AIDA: variants seen among roughly 807,000 people sequenced by gnomAD.
AIDA encodes axin interactor, dorsalization associated, also known as axin interactor, dorsalization-associated protein.
AIDA carries 18 observed loss-of-function variants against 42.7 expected under a neutral mutation model. The ratio of observed to expected loss-of-function variants is 0.42; its 90% CI spans 0.29 to 0.63. AIDA has a LOEUF of 0.63. AIDA is among the 20% of genes least tolerant of loss of function. AIDA has a pLI of 0.19. For missense variants in AIDA, 250 were observed against 354.1 expected, an observed-to-expected ratio of 0.71 and a Z score of 2.36; for synonymous variants, 104 against 122.9, an observed-to-expected ratio of 0.85 and a Z score of 1.02.
intron 1 of AIDA, among the ~76,000 whole-genome samples, chr1:222,707,181 GA>G (rs1034921790): frequency 9.4e-5 from 14 of 149,088 alleles, no homozygotes; most frequent in Non-Finnish European, 1.5e-4. Context: ...GAGACAGGAG[GA>G]AAAAAAAACA....
chr1:222,675,969 G>T, intron 7 of AIDA, 127 bp downstream of exon 7: 1 of 1,077,428 alleles, frequency 9.3e-7, no homozygotes, highest in Non-Finnish European at 1.3e-6. Context: ...CCTCATGATA[G>T]AATGAACTAA....
chr1:222,694,403 C>G (rs986685561), intron 2 of AIDA, 140 bp from the exon 3 acceptor site: 4 of 769,414 alleles, frequency 5.2e-6, no homozygotes, highest in Admixed American at 2.4e-5. Context: ...ATCTTTCAGA[C>G]TCTAGAGAAA....
chr1:222,686,692 T>C (rs1454911712), intron 6 of AIDA, among the ~76,000 whole-genome samples: 4 of 152,170 alleles, frequency 2.6e-5, no homozygotes, highest in African/African-American at 9.7e-5. Context: ...ATAGTGAGCC[T>C]TGTGAGTTGT....
In AIDA at chr1:222,672,924, CAAGTT is replaced by C. The variant is rs534650440; in HGVS notation, c.706+384_706+388del. 1.8e-3 allele frequency among the ~76,000 whole-genome samples: 273 copies of C among 152,252 alleles called. 1 individual carries two copies. Among genetic ancestry groups the C allele is most frequent in the Non-Finnish European group, 2.9e-3 (197 of 68,010 alleles). On this transcript the variant is annotated intron_variant, in intron 8 of 9. Transcript: ENST00000340020. ...TTTCCTATTTCCTAACAATTAACTG[CAAGTT>C]AAGTTATCGTTCTACCAAACTAGAA...
chr1:222,678,200 GGT>G (rs71732365), intron 6 of AIDA, among the ~76,000 whole-genome samples: 79,517 of 145,110 alleles, frequency 0.55, 23,659 homozygotes, highest in Non-Finnish European at 0.68. Flanking sequence ...TATATCTTGG[GGT>G]GTGTGTGTGT....
intron 2 of AIDA, among the ~76,000 whole-genome samples, chr1:222,694,620 AT>A (rs1655462767): frequency 6.6e-6 from 1 of 152,238 alleles, no homozygotes; most frequent in Non-Finnish European, 1.5e-5. Flanking sequence ...AGGCTTAAAA[AT>A]ATCTGAAAGT....
At chr1:222,683,480 ATTCT>A (rs1222626792) in intron 6 of AIDA, among the ~76,000 whole-genome samples, 1 of 152,218 alleles carries the variant, frequency 6.6e-6, no homozygotes, top group Non-Finnish European at 1.5e-5. Flanking sequence ...GGTAAATTTC[ATTCT>A]TTATTTTGAG....
At chr1:222,705,447 G>C (rs1274383811) in intron 1 of AIDA, among the ~76,000 whole-genome samples, 1 of 152,166 alleles carries the variant, frequency 6.6e-6, no homozygotes, top group East Asian at 1.9e-4. Flanking sequence ...GAGTTTCTTT[G>C]AGTAATTCTA....
At chr1:222,687,775 A>ACG in intron 4 of AIDA, 117 bp from the exon 5 acceptor site, 1 of 782,388 alleles carries the variant, frequency 1.3e-6, no homozygotes, top group South Asian at 2.3e-5. Flanking sequence ...ATAAATTCCC[A>ACG]GCCTTACCAC....
In AIDA at chr1:222,702,758, G is replaced by A. The variant is rs577846684; in HGVS notation, c.180+390C>T. 1.1e-4 allele frequency among the ~76,000 whole-genome samples: 17 copies of A among 152,296 alleles called. No individual in the cohort carries two copies. The South Asian group carries it at 2.9e-3, about 26-fold the overall frequency. On this transcript the variant is annotated intron_variant, in intron 2 of 9. Transcript: ENST00000340020. Reference sequence around the variant, plus strand: ...GAAAGTTCAGAATCAAGTAAGTGCTGGGGTGGAATGCAATTACCCACAATC... The same window carrying A: ...GAAAGTTCAGAATCAAGTAAGTGCTAGGGTGGAATGCAATTACCCACAATC...
chr1:222,688,862 G>T (rs921459285), intron 4 of AIDA, among the ~76,000 whole-genome samples: 1 of 151,896 alleles, frequency 6.6e-6, no homozygotes, highest in African/African-American at 2.4e-5. Context: ...CCTCCCCCCA[G>T]AAAAAGTTAA....
intron 1 of AIDA, among the ~76,000 whole-genome samples, chr1:222,708,961 T>C (rs1655918580): frequency 6.6e-6 from 1 of 152,066 alleles, no homozygotes; most frequent in Non-Finnish European, 1.5e-5. Context: ...TTACATAATA[T>C]CTAAACAAAC....
intron 2 of AIDA, 42 bp from the exon 3 acceptor site, chr1:222,694,305 T>A: frequency 6.8e-7 from 1 of 1,468,852 alleles, no homozygotes; most frequent in Non-Finnish European, 9.4e-7. Context: ...AGAATTATCA[T>A]AACTGTTAGT....
chr1:222,678,685 A>G (rs952796335), intron 6 of AIDA, among the ~76,000 whole-genome samples: 3 of 152,184 alleles, frequency 2.0e-5, no homozygotes, highest in African/African-American at 7.2e-5. Flanking sequence ...CATCTCCACC[A>G]TGAAGGTTCA....
chr1:222,708,552 TAG>T (rs896716371), intron 1 of AIDA, among the ~76,000 whole-genome samples: 1 of 151,736 alleles, frequency 6.6e-6, no homozygotes, highest in Non-Finnish European at 1.5e-5. Context: ...GTATTTTTAG[TAG>T]AGAGGGGGTT....
At chr1:222,709,481 G>A (rs577455609) in intron 1 of AIDA, among the ~76,000 whole-genome samples, 2 of 152,252 alleles carry the variant, frequency 1.3e-5, no homozygotes, top group East Asian at 3.9e-4. Context: ...ATTGTGGTAA[G>A]TACCATGGAA....
At chr1:222,687,762 T>A (rs1655240928) in intron 4 of AIDA, 104 bp from the exon 5 acceptor site, 3 of 892,958 alleles carry the variant, frequency 3.4e-6, no homozygotes, top group South Asian at 4.0e-5. Flanking sequence ...CATATTAATA[T>A]ATATAAATTC....
chr1:222,674,918 T>TTTTTG lies in AIDA; in HGVS notation c.583+1173_583+1177dup, dbSNP rs1664518007. 2.0e-5 allele frequency among the ~76,000 whole-genome samples: 3 copies of TTTTTG among 152,250 alleles called. 1 individual carries two copies. ...AGTTACTACACTATCATTAAACATCTTTTTGTTTTGGTGTACATTCCTGCA... is the reference window on the plus strand; with the variant it reads ...AGTTACTACACTATCATTAAACATCTTTTTGTTTTGTTTTGGTGTACATTCCTGCA... On this transcript the variant is annotated intron_variant, in intron 7 of 9. Coordinates refer to ENST00000340020, the MANE Select transcript of AIDA (RefSeq NM_022831.4).
Position 222,697,385 on chromosome 1 carries a change from TA to T in AIDA, c.181-3123del, listed in dbSNP as rs531543757. ...TCATTTCAGCTATAGCATTAACTTC[TA>T]AAACATTTAGAATGTATTGATATCA... On this transcript the variant is annotated intron_variant, in intron 2 of 9. Transcript: ENST00000340020. Among the ~76,000 whole-genome samples the T allele has an allele frequency of 5.3e-3, 514 of 97,738 alleles. 12 individuals are homozygous for T. Among genetic ancestry groups the T allele is most frequent in the Non-Finnish European group, 9.2e-3 (347 of 37,532 alleles). 64.1% of individuals were successfully genotyped at this position (97,738 alleles called of 152,430 possible).
Sources: gnomAD v4.1 joint callset for allele counts (sites outside exome capture counted in the v4.1 genomes callset) on GRCh38, gnomAD v4.1.1 for gene constraint, MANE v1.5 for transcripts, NCBI Gene and HGNC (gene_info 2026-07-23, HGNC 2026-07-21) for gene names.